Variants in KAZN observed in about 807,000 individuals in gnomAD.
KAZN encodes kazrin.
Under a neutral mutation model 87.4 loss-of-function variants are expected in KAZN, and 40 were observed. The ratio of observed to expected loss-of-function variants is 0.46; its 90% CI spans 0.36 to 0.60. The LOEUF (loss-of-function observed/expected upper bound fraction) is 0.60. Among genes scored for constraint, KAZN ranks in the 20% least tolerant of loss-of-function variants. KAZN has a pLI of 0.00. For synonymous variants in KAZN, 466 were observed against 458.3 expected, an observed-to-expected ratio of 1.02 and a Z score of -0.22; for missense variants, 898 against 1,073.9, an observed-to-expected ratio of 0.84 and a Z score of 2.29.
At chr1:14,647,060 T>C (rs1246607591) in intron 1 of KAZN, among the ~76,000 whole-genome samples, 1 of 152,198 alleles carries the variant, frequency 6.6e-6, no homozygotes, top group East Asian at 1.9e-4. Flanking sequence ...AGGCAGTTAT[T>C]GGTTCCAACA....
At chr1:14,352,429 A>T (rs562061140) in intron 2 of KAZN, among the ~76,000 whole-genome samples, 181 of 152,316 alleles carry the variant, frequency 1.2e-3, no homozygotes, top group Non-Finnish European at 2.2e-3. Context: ...CTGATTCTGA[A>T]TTCATTTTCT....
intron 1 of KAZN, among the ~76,000 whole-genome samples, chr1:13,938,596 A>G (rs1406528366): frequency 2.6e-5 from 4 of 152,216 alleles, no homozygotes; most frequent in African/African-American, 7.2e-5. Context: ...GTCTGCTGCC[A>G]GGGTGGAACC....
At chr1:14,316,164 T>C (rs1266540592) in intron 2 of KAZN, among the ~76,000 whole-genome samples, 2 of 152,066 alleles carry the variant, frequency 1.3e-5, no homozygotes, top group Non-Finnish European at 2.9e-5. Context: ...TGTACATCTT[T>C]TCATGTACTT....
chr1:14,205,740 G>T (rs1198045113), intron 2 of KAZN, among the ~76,000 whole-genome samples: 1 of 151,836 alleles, frequency 6.6e-6, no homozygotes, highest in Non-Finnish European at 1.5e-5. Flanking sequence ...AAATAAATTA[G>T]CTGGGTGTGG....
chr1:14,855,950 C>T (rs553570704), intron 1 of KAZN, among the ~76,000 whole-genome samples: 14 of 152,208 alleles, frequency 9.2e-5, no homozygotes, highest in African/African-American at 2.6e-4. Context: ...CAAAGCAGTT[C>T]GGTGGAGGGA....
chr1:14,059,581 G>A (rs1156455313), intron 1 of KAZN, among the ~76,000 whole-genome samples: 4 of 152,174 alleles, frequency 2.6e-5, no homozygotes, highest in African/African-American at 9.7e-5. Flanking sequence ...GGACTCAAAA[G>A]TCAATCTCCT....
chr1:14,869,996 A>T (rs1406422897), intron 1 of KAZN, among the ~76,000 whole-genome samples: 1 of 152,114 alleles, frequency 6.6e-6, no homozygotes, highest in South Asian at 2.1e-4. Context: ...AATGACAGAG[A>T]GGTAAGAAAA....
chr1:14,948,372 C>T (rs1041327372), intron 1 of KAZN, among the ~76,000 whole-genome samples: 3 of 152,178 alleles, frequency 2.0e-5, no homozygotes, highest in African/African-American at 4.8e-5. Flanking sequence ...CTGCCAGCAA[C>T]TCCAGGCTCC....
At chr1:14,809,150 G>T (rs190340402) in intron 1 of KAZN, among the ~76,000 whole-genome samples, 1 of 152,190 alleles carries the variant, frequency 6.6e-6, no homozygotes, top group Admixed American at 6.5e-5. Flanking sequence ...GGAATGGGAC[G>T]CTGAGGGCCA....
At chr1:14,457,082 AAAAC>A (rs1350993071) in intron 2 of KAZN, among the ~76,000 whole-genome samples, 2 of 152,196 alleles carry the variant, frequency 1.3e-5, no homozygotes, top group African/African-American at 2.4e-5. Context: ...TCTATCTCAA[AAAAC>A]AAACAAACAA....
chr1:14,393,499 T>G (rs1235190831), intron 2 of KAZN, among the ~76,000 whole-genome samples: 1 of 152,168 alleles, frequency 6.6e-6, no homozygotes, highest in African/African-American at 2.4e-5. Context: ...AAATCAACCG[T>G]ATTCCTTCAA....
At chr1:14,495,123 C>G (rs371484482) in intron 2 of KAZN, among the ~76,000 whole-genome samples, 1 of 152,188 alleles carries the variant, frequency 6.6e-6, no homozygotes, top group East Asian at 1.9e-4. Context: ...TCTCCCAGAA[C>G]GGTATGCATC....
intron 1 of KAZN, among the ~76,000 whole-genome samples, chr1:14,604,617 T>A (rs1292057283): frequency 6.6e-6 from 1 of 152,220 alleles, no homozygotes; most frequent in Non-Finnish European, 1.5e-5. Context: ...TGAAAGAAGC[T>A]GAACATAGTT....
At chr1:14,565,030 T>C (rs1674474844) in intron 2 of KAZN, among the ~76,000 whole-genome samples, 1 of 152,076 alleles carries the variant, frequency 6.6e-6, no homozygotes, top group African/African-American at 2.4e-5. Context: ...AAAATTATTA[T>C]GAAGCTTTGC....
chr1:14,401,108 G>C (rs952588708), intron 2 of KAZN, among the ~76,000 whole-genome samples: 1 of 152,184 alleles, frequency 6.6e-6, no homozygotes, highest in Non-Finnish European at 1.5e-5. Flanking sequence ...AAGGGGATAA[G>C]AAGGGGGCAG....
chr1:14,450,184 C>T (rs1284194482), intron 2 of KAZN, among the ~76,000 whole-genome samples: 2 of 152,100 alleles, frequency 1.3e-5, no homozygotes, highest in East Asian at 1.9e-4. Flanking sequence ...TTTTCTTGGC[C>T]GGTCTTCATC....
intron 2 of KAZN, among the ~76,000 whole-genome samples, chr1:14,535,802 C>T (rs1171224874): frequency 3.9e-5 from 6 of 152,228 alleles, no homozygotes; most frequent in African/African-American, 1.4e-4. Flanking sequence ...TTAACCCTCC[C>T]TAATTTGTCT....
chr1:15,065,212 G>A (rs144499629), intron 7 of KAZN, among the ~76,000 whole-genome samples: 1 of 151,870 alleles, frequency 6.6e-6, no homozygotes, highest in Non-Finnish European at 1.5e-5. Context: ...ATTTTTAGTA[G>A]AGACAGGGTT....
chr1:14,153,495 C>A (rs1645521242), intron 1 of KAZN, among the ~76,000 whole-genome samples: 1 of 152,102 alleles, frequency 6.6e-6, no homozygotes, highest in African/African-American at 2.4e-5. Flanking sequence ...GAGTTTGCTG[C>A]CAGGTGCAGT....
Sources: allele counts gnomAD v4.1 joint callset (sites outside exome capture counted in the v4.1 genomes callset), GRCh38; gene constraint gnomAD v4.1.1; transcripts MANE v1.5; gene names NCBI Gene and HGNC (gene_info 2026-07-23, HGNC 2026-07-21).